The following ZDHHC13 variants were observed in gnomAD, a reference collection of about 807,000 sequenced individuals.
ZDHHC13 encodes zDHHC palmitoyltransferase 13.
A neutral mutation model predicts 86.0 loss-of-function variants in ZDHHC13; 85 were observed. The observed-to-expected ratio is 0.99, with a 90% CI of 0.83 to 1.18. The LOEUF (loss-of-function observed/expected upper bound fraction) is 1.18. Among genes scored for constraint, ZDHHC13 ranks in the 50% most tolerant of loss-of-function variants. The pLI, the probability that ZDHHC13 is intolerant of heterozygous loss-of-function variation, is 0.00. For missense variants in ZDHHC13, 711 were observed against 730.2 expected, an observed-to-expected ratio of 0.97 and a Z score of 0.30; for synonymous variants, 263 against 246.4, an observed-to-expected ratio of 1.07 and a Z score of -0.63.
intron 10 of ZDHHC13, among the ~76,000 whole-genome samples, chr11:19,162,268 TTATAGAA>T (rs1849933285): frequency 6.6e-6 from 1 of 152,144 alleles, no homozygotes; most frequent in East Asian, 1.9e-4. Flanking sequence ...TTGGTTGAAG[TTATAGAA>T]AGGCAAATTT....
At chr11:19,154,188 A>C (rs888135074) in intron 8 of ZDHHC13, among the ~76,000 whole-genome samples, 1 of 152,214 alleles carries the variant, frequency 6.6e-6, no homozygotes, top group Non-Finnish European at 1.5e-5. Flanking sequence ...TGAGAAAAAG[A>C]TCTTAAGTTC....
At position 19,166,376 on chromosome 11, in the gene ZDHHC13, T is replaced by C; in HGVS notation, c.1465T>C (p.Ser489Pro). Residue 489 changes from serine to proline, a missense_variant, in exon 14 of 17, where the codon TCT (serine) becomes CCT (proline). Coordinates refer to ENST00000446113, the MANE Select transcript of ZDHHC13 (RefSeq NM_019028.3). ...SMVCGWIIYG[S>P]FIYLSSHCAT... ...GGTATGTGGCTGGATTATATATGGA[T>C]CTTTCATCTGTAAGTGTAAATTTTT... The C allele has an allele frequency of 6.2e-7, 1 of 1,611,484 alleles. No individual in the cohort carries two copies. Among genetic ancestry groups the C allele is most frequent in the Middle Eastern group, 1.7e-4 (1 of 6,050 alleles).
In ZDHHC13 at chr11:19,117,251, TGGAGG is replaced by T; in HGVS notation, c.5_9del (p.Glu2_?3). 1.3e-6 allele frequency: 2 copies of T among 1,508,462 alleles called. No homozygotes were observed. The allele number at this position is 1,508,462 out of a possible 1,614,324, so 93.4% of individuals were successfully genotyped here. A position where few individuals can be genotyped will look rare whatever the true frequency, so the allele number is the denominator to read the frequency against. ...CAGCCGCTGTGGGCTCCTGGGGAGA[TGGAGG>T]GGCCGGGGCTGGGCTCGCAGGTGAG... is the stretch of plus-strand genomic sequence containing the variant. On this transcript the variant is annotated frameshift_variant and start_lost, in exon 1 of 17. Coordinates refer to ENST00000446113, the MANE Select transcript of ZDHHC13 (RefSeq NM_019028.3). LOFTEE classifies it high-confidence loss of function. The surrounding 1 kb of genome is among the most constrained non-coding windows in gnomAD (Gnocchi z 4.2).
rs561270036 is a variant in ZDHHC13, at chr11:19,140,832, T to C, written c.28-2146T>C. On this transcript the variant is annotated intron_variant, in intron 1 of 16. Coordinates refer to ENST00000446113, the MANE Select transcript of ZDHHC13 (RefSeq NM_019028.3). The stretch of plus-strand genomic sequence containing the variant: ...ATTGCAAGAACAAAAAACCAAACAC[T>C]GCATATTCTCACTCATAGGTGGGAA... Among the ~76,000 whole-genome samples the C allele has an allele frequency of 6.9e-3, 1,015 of 148,134 alleles. 9 individuals carry two copies. The highest frequency in any genetic ancestry group is 0.024 in the African/African-American group (958 of 40,044).
At chr11:19,129,929 A>G (rs1181999838) in intron 1 of ZDHHC13, among the ~76,000 whole-genome samples, 1 of 152,110 alleles carries the variant, frequency 6.6e-6, no homozygotes, top group African/African-American at 2.4e-5. Flanking sequence ...TGTCTCTACT[A>G]AAAATACAAA....
intron 1 of ZDHHC13, among the ~76,000 whole-genome samples, chr11:19,138,864 C>G (rs1849225362): frequency 6.6e-6 from 1 of 152,070 alleles, no homozygotes; most frequent in African/African-American, 2.4e-5. Flanking sequence ...AATTCAACAA[C>G]CCTTCATGCT....
At chr11:19,149,981 A>G (rs1849566569) in intron 5 of ZDHHC13, among the ~76,000 whole-genome samples, 1 of 152,212 alleles carries the variant, frequency 6.6e-6, no homozygotes, top group Non-Finnish European at 1.5e-5. Context: ...TAGCTGATTG[A>G]AGTAGAATTA....
At chr11:19,169,488 C>T (rs954451126) in intron 14 of ZDHHC13, 1 of 985,460 alleles carries the variant, frequency 1.0e-6, no homozygotes, top group Non-Finnish European at 1.2e-6. Flanking sequence ...CATTTTCTTC[C>T]TGTCCCTGGA....
intron 1 of ZDHHC13, among the ~76,000 whole-genome samples, chr11:19,126,073 T>C (rs1056867264): frequency 1.3e-5 from 2 of 152,194 alleles, no homozygotes; most frequent in African/African-American, 2.4e-5. Flanking sequence ...AAATAATCCC[T>C]TGAGGGATTA....
chr11:19,136,455 C>T (rs1425141712), intron 1 of ZDHHC13, among the ~76,000 whole-genome samples: 1 of 152,132 alleles, frequency 6.6e-6, no homozygotes, highest in African/African-American at 2.4e-5. Context: ...GATTGGTGTA[C>T]CTGAAAGTGA....
chr11:19,163,324 A>G lies in ZDHHC13; in HGVS notation c.1130A>G (p.Tyr377Cys). ...FFPDLAGAPF[Y>C]FSFIFSIVAF... ...TAACATTTAGCAGGAGCCCCTTTCTATTTCAGTTTCATTTTCAGCATAGTA... is the reference window on the plus strand; with the variant it reads ...TAACATTTAGCAGGAGCCCCTTTCTGTTTCAGTTTCATTTTCAGCATAGTA... Residue 377 changes from tyrosine to cysteine, a missense_variant, in exon 11 of 17, where the codon TAT becomes TGT. Transcript: ENST00000446113. 1 of 1,594,258 alleles carries G rather than the reference A, an allele frequency of 6.3e-7. No individual in the cohort carries two copies. The highest frequency in any genetic ancestry group is 8.5e-7 in the Non-Finnish European group (1 of 1,172,264).
chr11:19,127,832 A>T (rs1400554971), intron 1 of ZDHHC13, among the ~76,000 whole-genome samples: 1 of 152,150 alleles, frequency 6.6e-6, no homozygotes. Flanking sequence ...TACTGACATC[A>T]TGCTGTTTTG....
chr11:19,141,967 T>G (rs1468027273), intron 1 of ZDHHC13, among the ~76,000 whole-genome samples: 1 of 152,158 alleles, frequency 6.6e-6, no homozygotes, highest in Non-Finnish European at 1.5e-5. Context: ...TTACCACGCA[T>G]TTAGTGGGTT....
chr11:19,168,890 A>G (rs1398733499), intron 14 of ZDHHC13: 2 of 985,200 alleles, frequency 2.0e-6, no homozygotes, highest in African/African-American at 3.5e-5. Context: ...TACAGAAAGA[A>G]AGATTGTAGA....
chr11:19,163,278 G>A (rs1244671420), intron 10 of ZDHHC13, 25 bp from the exon 11 acceptor site: 1 of 1,562,500 alleles, frequency 6.4e-7, no homozygotes, highest in Admixed American at 2.1e-5. Context: ...AGGAAGTTTG[G>A]TGTATTCCTT....
chr11:19,128,108 G>C (rs1306625084), intron 1 of ZDHHC13, among the ~76,000 whole-genome samples: 1 of 152,098 alleles, frequency 6.6e-6, no homozygotes, highest in Non-Finnish European at 1.5e-5. Context: ...TCATTTGTTT[G>C]TGTCTTCTCT....
At position 19,166,313 on chromosome 11, in the gene ZDHHC13, C is replaced by T. The variant is rs1185072495; in HGVS notation, c.1402C>T (p.His468Tyr). ...WTGRCIGFGN[H>Y]HYYIFFLFFL... ...TCTTTTTTCTTGAGGTTTTGGCAAC[C>T]ATCACTATTACATATTCTTCTTGTT... The change falls in exon 14 of 17, where the codon CAT becomes TAT. Residue 468 changes from histidine (H) to tyrosine (Y), a missense_variant. His to Tyr is a moderately conservative substitution (Grantham distance 83). Transcript: ENST00000446113. The T allele has an allele frequency of 1.2e-6, 2 of 1,609,054 alleles. No individual in the cohort carries two copies. Among genetic ancestry groups the T allele is most frequent in the Non-Finnish European group, 8.5e-7 (1 of 1,178,692 alleles).
intron 1 of ZDHHC13, among the ~76,000 whole-genome samples, chr11:19,123,220 A>C (rs1477113206): frequency 6.6e-6 from 1 of 152,214 alleles, no homozygotes; most frequent in South Asian, 2.1e-4. Flanking sequence ...AACCTCCTCA[A>C]CTTTATACAT....
chr11:19,134,805 A>G (rs906796657), intron 1 of ZDHHC13, among the ~76,000 whole-genome samples: 2 of 152,182 alleles, frequency 1.3e-5, no homozygotes, highest in African/African-American at 4.8e-5. Context: ...ATGTATACCT[A>G]TGTAACAAAC....
Sources: allele counts gnomAD v4.1 joint callset (sites outside exome capture counted in the v4.1 genomes callset), GRCh38; gene constraint gnomAD v4.1.1; non-coding constraint Gnocchi (gnomAD v3.1); transcripts MANE v1.5; gene names NCBI Gene and HGNC (gene_info 2026-07-23, HGNC 2026-07-21).